The following NRXN1 variants were observed in gnomAD, a reference collection of about 807,000 sequenced individuals.
The protein encoded by NRXN1 is neurexin 1.
A neutral mutation model predicts 150.9 loss-of-function variants in NRXN1; 39 were observed. The ratio of observed to expected loss-of-function variants is 0.26; its 90% CI spans 0.20 to 0.34. The LOEUF is 0.34. Among genes scored for constraint, NRXN1 ranks in the 10% least tolerant of loss-of-function variants. The probability of loss-of-function intolerance (pLI) is 1.00; values close to 1 mark genes in which losing one functional copy is unlikely to be tolerated. For synonymous variants in NRXN1, 924 were observed against 757.0 expected (o/e 1.22, Z -3.62); for missense variants, 1,815 against 1,949.9 (o/e 0.93, Z 1.30).
At chr2:50,986,570 AT>A (rs1287680829) in intron 2 of NRXN1, among the ~76,000 whole-genome samples, 1 of 151,742 alleles carries the variant, frequency 6.6e-6, no homozygotes, top group Non-Finnish European at 1.5e-5. Context: ...AGTGAGAAAA[AT>A]ATCTAATAAA....
intron 17 of NRXN1, among the ~76,000 whole-genome samples, chr2:50,411,528 T>G (rs1182511588): frequency 6.7e-6 from 1 of 149,290 alleles, no homozygotes; most frequent in Non-Finnish European, 1.5e-5. Context: ...CACCGCCCTG[T>G]CTGAGATGTG....
intron 5 of NRXN1, among the ~76,000 whole-genome samples, chr2:50,787,282 G>A (rs910499609): frequency 2.0e-5 from 3 of 152,020 alleles, no homozygotes; most frequent in African/African-American, 7.2e-5. Flanking sequence ...AAAACAGGCA[G>A]GGCGCTGTGG....
intron 19 of NRXN1, among the ~76,000 whole-genome samples, chr2:50,090,256 A>G (rs1386058782): frequency 6.6e-6 from 1 of 152,180 alleles, no homozygotes; most frequent in Non-Finnish European, 1.5e-5. Flanking sequence ...AGTACTTGGG[A>G]TATTTGATAT....
At chr2:50,136,520 C>G (rs1321355106) in intron 18 of NRXN1, among the ~76,000 whole-genome samples, 1 of 152,148 alleles carries the variant, frequency 6.6e-6, no homozygotes, top group Non-Finnish European at 1.5e-5. Flanking sequence ...TCAAACAACA[C>G]TGATTACTGA....
chr2:50,187,857 G>A (rs76530888), intron 18 of NRXN1, among the ~76,000 whole-genome samples: 2 of 152,206 alleles, frequency 1.3e-5, no homozygotes, highest in East Asian at 1.9e-4. Flanking sequence ...GTGAATGGGA[G>A]TTCACTCATG....
chr2:50,531,192 A>T, intron 11 of NRXN1, 35 bp downstream of exon 11: 1 of 1,557,980 alleles, frequency 6.4e-7, no homozygotes, highest in Non-Finnish European at 8.8e-7. Context: ...AAAAGTAAAA[A>T]AGTGTTAGTT....
chr2:50,086,845 A>AGAGAGAGAGAGAGAGAGG (rs4032305), intron 19 of NRXN1, among the ~76,000 whole-genome samples: 1 of 150,820 alleles, frequency 6.6e-6, no homozygotes, highest in African/African-American at 2.5e-5. Context: ...AGAGAGAGAG[A>AGAGAGAGAGAGAGAGAGG]GAGAGCGAGC....
At chr2:50,691,787 G>A (rs576330613) in intron 5 of NRXN1, among the ~76,000 whole-genome samples, 9 of 152,144 alleles carry the variant, frequency 5.9e-5, no homozygotes, top group African/African-American at 1.4e-4. Flanking sequence ...GGGCTGACTC[G>A]GGGATGCTTC....
chr2:50,937,642 A>AGAT (rs780830154), intron 2 of NRXN1, among the ~76,000 whole-genome samples: 5 of 152,078 alleles, frequency 3.3e-5, no homozygotes, highest in Admixed American at 6.6e-5. Flanking sequence ...TTTATGAAGT[A>AGAT]GATGATGATG....
intron 5 of NRXN1, among the ~76,000 whole-genome samples, chr2:50,733,022 T>A (rs903447458): frequency 2.0e-5 from 3 of 152,184 alleles, no homozygotes; most frequent in African/African-American, 7.2e-5. Context: ...ACCAAAAATA[T>A]GGCAAGTATC....
intron 8 of NRXN1, chr2:50,619,290 G>A (rs942983694): frequency 6.6e-6 from 1 of 152,068 alleles, no homozygotes; most frequent in African/African-American, 2.4e-5. Context: ...GATTGTGTCT[G>A]AATGAATTTT....
intron 8 of NRXN1, among the ~76,000 whole-genome samples, chr2:50,553,483 T>C (rs1208584850): frequency 6.6e-6 from 1 of 152,192 alleles, no homozygotes; most frequent in Non-Finnish European, 1.5e-5. Context: ...ACCAGTCCCC[T>C]AAAATATTGG....
At chr2:50,214,700 G>A (rs2063274049) in intron 18 of NRXN1, among the ~76,000 whole-genome samples, 1 of 151,948 alleles carries the variant, frequency 6.6e-6, no homozygotes, top group African/African-American at 2.4e-5. Flanking sequence ...TAGATTTCAT[G>A]CAGAAGTCAT....
chr2:50,273,986 G>C (rs60127636), intron 17 of NRXN1, among the ~76,000 whole-genome samples: 67,673 of 151,942 alleles, frequency 0.45, 15,279 homozygotes, highest in African/African-American at 0.48. Context: ...CAAGGATCTA[G>C]ATCTAGAAAT....
intron 21 of NRXN1, among the ~76,000 whole-genome samples, chr2:50,033,940 C>G (rs557989558): frequency 6.6e-6 from 1 of 151,224 alleles, no homozygotes; most frequent in South Asian, 2.1e-4. Context: ...CCATCTCACA[C>G]CAGCCAGAAT....
At chr2:50,832,330 A>G (rs1312298952) in intron 5 of NRXN1, among the ~76,000 whole-genome samples, 2 of 152,166 alleles carry the variant, frequency 1.3e-5, no homozygotes, top group Admixed American at 1.3e-4. Flanking sequence ...AACCTTATGG[A>G]TTAATTGATT....
At chr2:50,303,128 T>A (rs1031338153) in intron 17 of NRXN1, among the ~76,000 whole-genome samples, 1 of 152,178 alleles carries the variant, frequency 6.6e-6, no homozygotes, top group Non-Finnish European at 1.5e-5. Flanking sequence ...CTGGATCTCA[T>A]TGGAGTAACA....
intron 5 of NRXN1, among the ~76,000 whole-genome samples, chr2:50,729,542 T>C (rs1010615650): frequency 1.3e-5 from 2 of 152,232 alleles, no homozygotes; most frequent in Non-Finnish European, 2.9e-5. Flanking sequence ...AGGGAGCTTT[T>C]ACGCATGGTC....
At chr2:50,223,655 G>C (rs1042491857) in intron 18 of NRXN1, among the ~76,000 whole-genome samples, 1 of 151,888 alleles carries the variant, frequency 6.6e-6, no homozygotes, top group East Asian at 1.9e-4. Flanking sequence ...ATGAACAGAT[G>C]ACATACTTTT....
Sources: allele counts gnomAD v4.1 joint callset (sites outside exome capture counted in the v4.1 genomes callset), GRCh38; gene constraint gnomAD v4.1.1; transcripts MANE v1.5; gene names NCBI Gene and HGNC (gene_info 2026-07-23, HGNC 2026-07-21).